HEPACAM: variants seen among roughly 807,000 people sequenced by gnomAD.
HEPACAM encodes hepatocyte cell adhesion molecule.
Under a neutral mutation model 38.3 loss-of-function variants are expected in HEPACAM, and 18 were observed. The ratio of observed to expected loss-of-function variants is 0.47; its 90% CI spans 0.33 to 0.70. The LOEUF is 0.70. HEPACAM is among the 30% of genes least tolerant of loss of function. The pLI, the probability that HEPACAM is intolerant of heterozygous loss-of-function variation, is 0.03. For synonymous variants in HEPACAM, 216 were observed against 243.1 expected, an observed-to-expected ratio of 0.89 and a Z score of 1.04; for missense variants, 466 against 563.0, an observed-to-expected ratio of 0.83 and a Z score of 1.74.
intron 3 of HEPACAM, 100 bp from the exon 4 acceptor site, chr11:124,923,533 G>T: frequency 8.8e-7 from 1 of 1,136,604 alleles, no homozygotes; most frequent in Non-Finnish European, 1.3e-6. Context: ...GGGAGCCCCA[G>T]GCTGCATGCC....
chr11:124,923,932 G>A lies in HEPACAM; in HGVS notation c.506C>T (p.Ser169Leu), dbSNP rs1022156884. ...GCTGGGCTTGGTGCCATTCTCATGT[G>A]AGCAGTTCAAGGTGAAGGCCTCGCT... is the stretch of plus-strand genomic sequence containing the variant. ...ELSEAFTLNCSHENGTKPSYT... is the reference protein window; with the variant it reads ...ELSEAFTLNCLHENGTKPSYT... Residue 169 changes from serine (S) to leucine (L), a missense_variant, in exon 3 of 7, where the codon TCA (serine) becomes TTA (leucine). Coordinates refer to ENST00000298251, the MANE Select transcript of HEPACAM (RefSeq NM_152722.5). 29 of 1,612,962 alleles carry A rather than the reference G, an allele frequency of 1.8e-5. No homozygotes were observed. Among genetic ancestry groups the A allele is most frequent in the Non-Finnish European group, 2.4e-5 (28 of 1,180,004 alleles).
At chr11:124,928,726 A>C (rs1288210869) in intron 1 of HEPACAM, among the ~76,000 whole-genome samples, 1 of 152,222 alleles carries the variant, frequency 6.6e-6, no homozygotes, top group Non-Finnish European at 1.5e-5. Flanking sequence ...TTTGTCTCTT[A>C]TCTGCCTATG....
At chr11:124,927,334 G>T (rs1217751973) in intron 1 of HEPACAM, among the ~76,000 whole-genome samples, 1 of 150,484 alleles carries the variant, frequency 6.6e-6, no homozygotes, top group Non-Finnish European at 1.5e-5. Flanking sequence ...CTCTAGGGGG[G>T]CTTCTTAACT....
rs531846108 is a variant in HEPACAM at position 124,925,955 on chromosome 11, C to T, written c.86-886G>A. ...GTGGCTCACGCCTGTAATCGCAGCACTTTGGGAGGCCAAGATGGGCAGATC... is the reference window on the plus strand; with the variant it reads ...GTGGCTCACGCCTGTAATCGCAGCATTTTGGGAGGCCAAGATGGGCAGATC... On this transcript the variant is annotated intron_variant, in intron 1 of 6. Coordinates refer to ENST00000298251, the MANE Select transcript of HEPACAM (RefSeq NM_152722.5). Among the ~76,000 whole-genome samples, 4 of 152,326 alleles carry T rather than the reference C, an allele frequency of 2.6e-5. No homozygotes were observed. The East Asian group carries it at 7.7e-4, about 29-fold the overall frequency.
intron 1 of HEPACAM, among the ~76,000 whole-genome samples, chr11:124,926,029 C>T (rs898452725): frequency 1.3e-5 from 2 of 152,078 alleles, no homozygotes; most frequent in Admixed American, 6.5e-5. Flanking sequence ...GGCAAAACCC[C>T]GTCTCTACTA....
rs754494389 is a variant in HEPACAM, at chr11:124,922,728, G to C, written c.877+17C>G. The C allele has an allele frequency of 1.2e-6, 2 of 1,614,174 alleles. No individual in the cohort carries two copies. The highest frequency in any genetic ancestry group is 1.7e-6 in the Non-Finnish European group (2 of 1,180,014). On this transcript the variant is annotated intron_variant, in intron 5 of 6. Coordinates refer to ENST00000298251, the MANE Select transcript of HEPACAM (RefSeq NM_152722.5). ...TGATTGTTGATGGGATGGGTGATTGGGTGGCTGGGAGCTCACCTTCTGGTT... is the reference window on the plus strand; with the variant it reads ...TGATTGTTGATGGGATGGGTGATTGCGTGGCTGGGAGCTCACCTTCTGGTT...
chr11:124,926,561 C>A (rs1433065332), intron 1 of HEPACAM, among the ~76,000 whole-genome samples: 2 of 152,144 alleles, frequency 1.3e-5, no homozygotes, highest in African/African-American at 4.8e-5. Context: ...CCTTGTAGAG[C>A]AATCCAACCA....
Position 124,920,814 on chromosome 11 carries a change from T to G in HEPACAM, c.*324A>C. On this transcript the variant is annotated 3_prime_UTR_variant, in exon 7 of 7. Transcript: ENST00000298251. ...ATAGTCACGGGGGTTAGGTTACTGA[T>G]GTTAGTTTCCATAAAACCCTTTTGG... 1 of 1,144,944 alleles carries G rather than the reference T, an allele frequency of 8.7e-7. No individual in the cohort carries two copies. Among genetic ancestry groups the G allele is most frequent in the Non-Finnish European group, 1.1e-6 (1 of 932,402 alleles). The allele number at this position is 1,144,944 out of a possible 1,614,324, so 70.9% of individuals were successfully genotyped here.
rs752217697 is a variant in HEPACAM, at chr11:124,923,350, G to A, written c.793C>T (p.Pro265Ser). Residue 265 changes from proline (P) to serine (S), a missense_variant, in exon 4 of 7, where the codon CCC becomes TCC. Transcript: ENST00000298251. ...GAGAGTTACCCAGACCTTTTGGAGGGTTTCCAGCAGGCACAGACTGTCACC... is the reference window on the plus strand; with the variant it reads ...GAGAGTTACCCAGACCTTTTGGAGGATTTCCAGCAGGCACAGACTGTCACC... ...TLVTVCACWK[P>S]SKRKQKKLEK... 6.2e-7 allele frequency: 1 copy of A among 1,611,452 alleles called. No individual in the cohort carries two copies. Among genetic ancestry groups the A allele is most frequent in the Non-Finnish European group, 8.5e-7 (1 of 1,177,628 alleles).
intron 1 of HEPACAM, among the ~76,000 whole-genome samples, chr11:124,929,017 C>T (rs949318804): frequency 1.6e-4 from 24 of 152,164 alleles, no homozygotes; most frequent in African/African-American, 2.4e-5. Context: ...TTTGAGGATT[C>T]TCATTTCCTT....
Position 124,920,955 on chromosome 11 carries a change from C to T in HEPACAM, c.*183G>A, listed in dbSNP as rs1014477083. On this transcript the variant is annotated 3_prime_UTR_variant, in exon 7 of 7. Coordinates refer to ENST00000298251, the MANE Select transcript of HEPACAM (RefSeq NM_152722.5). ...GCGACCCGGTTTCACCATATCAACA[C>T]TGCCGCCTCCGCGCACCCGCCTCCG... 3.7e-6 allele frequency: 5 copies of T among 1,368,622 alleles called. No homozygotes were observed. The highest frequency in any genetic ancestry group is 9.4e-7 in the Non-Finnish European group (1 of 1,064,786). 84.8% of individuals were successfully genotyped at this position (1,368,622 alleles called of 1,614,324 possible). A position where few individuals can be genotyped will look rare whatever the true frequency, so the allele number is the denominator to read the frequency against.
chr11:124,922,499 A>G, intron 5 of HEPACAM, 41 bp from the exon 6 acceptor site: 2 of 1,604,498 alleles, frequency 1.2e-6, no homozygotes, highest in Non-Finnish European at 1.7e-6. Flanking sequence ...CCAGGTACAG[A>G]CTCTCCCCAC....
chr11:124,920,171 A>C lies in HEPACAM; in HGVS notation c.*967T>G, dbSNP rs1448557155. 1 of 934,590 alleles carries C rather than the reference A, an allele frequency of 1.1e-6. No individual in the cohort carries two copies. The highest frequency in any genetic ancestry group is 1.6e-6 in the Non-Finnish European group (1 of 620,356). 57.9% of individuals were successfully genotyped at this position (934,590 alleles called of 1,614,324 possible). A position where few individuals can be genotyped will look rare whatever the true frequency, so the allele number is the denominator to read the frequency against. On this transcript the variant is annotated 3_prime_UTR_variant, in exon 7 of 7. Coordinates refer to ENST00000298251, the MANE Select transcript of HEPACAM (RefSeq NM_152722.5). The stretch of plus-strand genomic sequence containing the variant: ...CCCCACCATTTCTCTGGAGATTAGG[A>C]CTTATTCTCACAGCTGGAGGAAGCT...
chr11:124,922,899 G>C, intron 4 of HEPACAM, 81 bp from the exon 5 acceptor site: 2 of 1,430,560 alleles, frequency 1.4e-6, no homozygotes, highest in Non-Finnish European at 2.0e-6. Flanking sequence ...GGAGGGATCT[G>C]ATGGCCATAA....
At position 124,924,112 on chromosome 11, in the gene HEPACAM, C is replaced by T; in HGVS notation, c.428-102G>A. 1 of 1,112,510 alleles carries T rather than the reference C, an allele frequency of 9.0e-7. No homozygotes were observed. The highest frequency in any genetic ancestry group is 2.0e-5 in the Admixed American group (1 of 50,376). 68.9% of individuals were successfully genotyped at this position (1,112,510 alleles called of 1,614,324 possible). On this transcript the variant is annotated intron_variant, in intron 2 of 6. Transcript: ENST00000298251. This position sits in a 1 kb window ranked among gnomAD's most constrained non-coding sequence, Gnocchi z 4.4. ...TCCAACACACCTTTAACACTACCTTCCAACTCAATCTGTGGGCTGAGAAGA... is the reference window on the plus strand; with the variant it reads ...TCCAACACACCTTTAACACTACCTTTCAACTCAATCTGTGGGCTGAGAAGA...
At position 124,927,510 on chromosome 11, in the gene HEPACAM, G is replaced by GTTTTTTTTTTTTT. The variant is rs763291809; in HGVS notation, c.86-2442_86-2441insAAAAAAAAAAAAA. Among the ~76,000 whole-genome samples the GTTTTTTTTTTTTT allele has an allele frequency of 2.1e-3, 207 of 99,116 alleles. 3 individuals are homozygous for GTTTTTTTTTTTTT. Among genetic ancestry groups the GTTTTTTTTTTTTT allele is most frequent in the East Asian group, 8.1e-3 (18 of 2,226 alleles). 65.0% of individuals were successfully genotyped at this position (99,116 alleles called of 152,430 possible). ...GGCATGTGCCACTATGCCCAGCTAG[G>GTTTTTTTTTTTTT]TTTTTTTTTTTTGTTTTTTTTTTTT... On this transcript the variant is annotated intron_variant, in intron 1 of 6. Transcript: ENST00000298251.
chr11:124,921,269 T>G lies in HEPACAM; in HGVS notation c.1120A>C (p.Thr374Pro). 1 of 1,374,666 alleles carries G rather than the reference T, an allele frequency of 7.3e-7. No individual in the cohort carries two copies. The highest frequency in any genetic ancestry group is 9.3e-7 in the Non-Finnish European group (1 of 1,070,806). The allele number at this position is 1,374,666 out of a possible 1,614,324, so 85.2% of individuals were successfully genotyped here. ...GGGGCCCTGGGCGGCGACGAGTGTGTCCGGCCGGTGGCTGGGGAGCGCGCT... is the reference window on the plus strand; with the variant it reads ...GGGGCCCTGGGCGGCGACGAGTGTGGCCGGCCGGTGGCTGGGGAGCGCGCT... Reference protein sequence around the residue: ...SPARSPATGRTHSSPPRAPSS... With the variant: ...SPARSPATGRPHSSPPRAPSS... Residue 374 changes from threonine (T) to proline (P), a missense_variant, in exon 7 of 7, where the codon ACA becomes CCA. Transcript: ENST00000298251. The surrounding 1 kb of genome is among the most constrained non-coding windows in gnomAD (Gnocchi z 4.6).
At chr11:124,927,827 G>T (rs1222381806) in intron 1 of HEPACAM, among the ~76,000 whole-genome samples, 1 of 152,004 alleles carries the variant, frequency 6.6e-6, no homozygotes, top group Admixed American at 6.5e-5. Flanking sequence ...GGAAGTGGAG[G>T]TTGCAGTGAG....
chr11:124,929,930 C>T (rs181346435), intron 1 of HEPACAM, among the ~76,000 whole-genome samples: 6 of 152,222 alleles, frequency 3.9e-5, no homozygotes, highest in African/African-American at 1.4e-4. Context: ...TTAAAAGTGT[C>T]AATGGGGGTA....
Sources: allele counts gnomAD v4.1 joint callset (sites outside exome capture counted in the v4.1 genomes callset), GRCh38; gene constraint gnomAD v4.1.1; non-coding constraint Gnocchi (gnomAD v3.1); transcripts MANE v1.5; gene names NCBI Gene and HGNC (gene_info 2026-07-23, HGNC 2026-07-21).